The following KSR1 variants were observed in gnomAD, a reference collection of about 807,000 sequenced individuals.
The protein encoded by KSR1 is kinase suppressor of ras.
A neutral mutation model predicts 92.9 loss-of-function variants in KSR1; 35 were observed. That is an observed-to-expected ratio of 0.38 (90% CI 0.29 to 0.50). The LOEUF (loss-of-function observed/expected upper bound fraction) is 0.50. KSR1 is among the 20% of genes least tolerant of loss of function. The pLI is 0.94. For missense variants in KSR1, 972 were observed against 1,158.5 expected, an observed-to-expected ratio of 0.84 and a Z score of 2.34; for synonymous variants, 467 against 472.6, an observed-to-expected ratio of 0.99 and a Z score of 0.15.
intron 2 of KSR1, among the ~76,000 whole-genome samples, chr17:27,553,310 G>T (rs1165627721): frequency 6.6e-6 from 1 of 152,224 alleles, no homozygotes; most frequent in Non-Finnish European, 1.5e-5. Flanking sequence ...AGCTAGAGAG[G>T]CCTGCACATA....
intron 1 of KSR1, among the ~76,000 whole-genome samples, chr17:27,491,313 GTGTGTGTGTGT>G (rs2068819258): frequency 9.4e-4 from 3 of 3,196 alleles, no homozygotes; most frequent in Non-Finnish European, 3.1e-3. Context: ...TGGTGTGTGT[GTGTGTGTGTGT>G]GTGTGTGTGT....
chr17:27,593,253 G>A lies in KSR1; in HGVS notation c.1299+627G>A, dbSNP rs553378011. On this transcript the variant is annotated intron_variant, in intron 9 of 20. Transcript: ENST00000644974. ...AAAGCCTGTGTCCCCCAGGAGGGTTGGCACACCTGTCATGGGCCTCTTTGC... is the reference window on the plus strand; with the variant it reads ...AAAGCCTGTGTCCCCCAGGAGGGTTAGCACACCTGTCATGGGCCTCTTTGC... Among the ~76,000 whole-genome samples the A allele has an allele frequency of 2.0e-5, 3 of 152,372 alleles. 1 individual carries two copies. In the South Asian group the frequency reaches 6.2e-4, roughly 32 times the overall value.
chr17:27,487,494 A>G (rs895045825), intron 1 of KSR1, among the ~76,000 whole-genome samples: 1 of 151,902 alleles, frequency 6.6e-6, no homozygotes, highest in Non-Finnish European at 1.5e-5. Context: ...CACTCCTGTA[A>G]TCCCAGCACT....
chr17:27,485,997 T>G (rs746751200), intron 1 of KSR1, among the ~76,000 whole-genome samples: 5 of 152,248 alleles, frequency 3.3e-5, no homozygotes, highest in Non-Finnish European at 7.3e-5. Context: ...TCTTCGTGCT[T>G]CTTAGTGTGC....
intron 9 of KSR1, among the ~76,000 whole-genome samples, chr17:27,592,853 C>T (rs1453439717): frequency 1.3e-5 from 2 of 152,236 alleles, no homozygotes; most frequent in Non-Finnish European, 2.9e-5. Flanking sequence ...TGAGCTAACA[C>T]TTCCTGTGTG....
chr17:27,514,190 C>A (rs2069704863), intron 1 of KSR1, among the ~76,000 whole-genome samples: 1 of 152,240 alleles, frequency 6.6e-6, no homozygotes, highest in South Asian at 2.1e-4. Context: ...TAGGCAAGCT[C>A]CCAGTAAATA....
rs141387230 is a variant in KSR1 at position 27,497,979 on chromosome 17, G to C, written c.231+41105G>C. 2.3e-3 allele frequency among the ~76,000 whole-genome samples: 356 copies of C among 152,324 alleles called. 1 individual carries two copies. The highest frequency in any genetic ancestry group is 7.9e-3 in the African/African-American group (328 of 41,564). ...AGGTTTTGCTGCAAAAATGAGGAGT[G>C]TGTGTGCATGTGCATACTGTTTTTT... is the stretch of plus-strand genomic sequence containing the variant. On this transcript the variant is annotated intron_variant, in intron 1 of 20. Transcript: ENST00000644974.
At chr17:27,564,327 A>G (rs1400800607) in intron 2 of KSR1, among the ~76,000 whole-genome samples, 1 of 152,200 alleles carries the variant, frequency 6.6e-6, no homozygotes, top group Admixed American at 6.5e-5. Context: ...GGATGGATAG[A>G]TGGACAAATG....
chr17:27,463,713 CTG>C (rs1311990325), intron 1 of KSR1, among the ~76,000 whole-genome samples: 1 of 152,198 alleles, frequency 6.6e-6, no homozygotes. Context: ...TCAGGTCTCC[CTG>C]TCCAGAGACT....
intron 1 of KSR1, among the ~76,000 whole-genome samples, chr17:27,488,223 G>A (rs968427863): frequency 2.6e-5 from 4 of 152,202 alleles, no homozygotes; most frequent in Non-Finnish European, 4.4e-5. Flanking sequence ...GAACACCCAT[G>A]TACCCACAAC....
intron 1 of KSR1, among the ~76,000 whole-genome samples, chr17:27,497,053 C>T (rs958490013): frequency 1.2e-4 from 19 of 152,354 alleles, no homozygotes; most frequent in Admixed American, 1.2e-3. Flanking sequence ...GGCTTTTCCT[C>T]CTTCCCTGTT....
Position 27,459,226 on chromosome 17 carries a change from C to A in KSR1, c.231+2352C>A, listed in dbSNP as rs2019322434. Reference sequence around the variant, plus strand: ...ATAGGAACGAGACTGCTCACACCTGCAGCATTTTGTCTGTCAGTCCGTGCT... The same window carrying A: ...ATAGGAACGAGACTGCTCACACCTGAAGCATTTTGTCTGTCAGTCCGTGCT... On this transcript the variant is annotated intron_variant, in intron 1 of 20. Transcript: ENST00000644974. The surrounding 1 kb of genome is among the most constrained non-coding windows in gnomAD (Gnocchi z 4.6). 6.6e-6 allele frequency among the ~76,000 whole-genome samples: 1 copy of A among 152,186 alleles called. No individual in the cohort carries two copies. The highest frequency in any genetic ancestry group is 1.5e-5 in the Non-Finnish European group (1 of 68,024).
intron 1 of KSR1, among the ~76,000 whole-genome samples, chr17:27,532,736 TG>T (rs2070591139): frequency 6.6e-6 from 1 of 152,194 alleles, no homozygotes; most frequent in Non-Finnish European, 1.5e-5. Flanking sequence ...ACAGGCTTTC[TG>T]GAAGGTTCTG....
intron 1 of KSR1, among the ~76,000 whole-genome samples, chr17:27,490,302 C>T (rs1597869616): frequency 6.6e-6 from 1 of 152,200 alleles, no homozygotes; most frequent in Admixed American, 6.5e-5. Flanking sequence ...AAGACCACAG[C>T]AGACTATCTC....
rs2072557175 is a variant in KSR1 at position 27,577,501 on chromosome 17, C to T, written c.382C>T (p.Arg128Ter). ...CCCTCTGTCCCCTTAGGAGATCCCC[C>T]GAGACCTCACGCTGGATGCCCTGCT... ...VRPEVVQEIPRDLTLDALLEM... is the reference protein window; with the variant it reads ...VRPEVVQEIP Residue 128 changes from arginine (R) to a stop codon, truncating the protein, a stop_gained, in exon 3 of 21, where the codon CGA becomes TGA. Coordinates refer to ENST00000644974, the MANE Select transcript of KSR1 (RefSeq NM_001394583.1). LOFTEE classifies it high-confidence loss of function. This position sits in a 1 kb window ranked among gnomAD's most constrained non-coding sequence, Gnocchi z 4.5. The T allele has an allele frequency of 1.3e-6, 2 of 1,556,586 alleles. No homozygotes were observed. The highest frequency in any genetic ancestry group is 1.7e-6 in the Non-Finnish European group (2 of 1,146,426).
intron 1 of KSR1, among the ~76,000 whole-genome samples, chr17:27,491,821 C>T (rs534348988): frequency 6.6e-6 from 1 of 152,210 alleles, no homozygotes; most frequent in East Asian, 1.9e-4. Context: ...TCAGGGGCTC[C>T]GACTGAAGTT....
chr17:27,599,477 A>G (rs1327083858), intron 10 of KSR1, among the ~76,000 whole-genome samples: 4 of 152,180 alleles, frequency 2.6e-5, no homozygotes, highest in Non-Finnish European at 5.9e-5. Context: ...GAATCGCTTG[A>G]ACCCAGGATG....
In KSR1 at chr17:27,609,430, C is replaced by G. The variant is rs373357000; in HGVS notation, c.2225+101C>G. The G allele has an allele frequency of 1.8e-5, 26 of 1,467,234 alleles. No individual in the cohort carries two copies. The African/African-American group carries it at 2.8e-4, about 16-fold the overall frequency. The allele number at this position is 1,467,234 out of a possible 1,614,324, so 90.9% of individuals were successfully genotyped here. A position where few individuals can be genotyped will look rare whatever the true frequency, so the allele number is the denominator to read the frequency against. Reference sequence around the variant, plus strand: ...CACTGTTTGTTGCTGAGCTGCAGCCCTCCCTGCAGGGAAGCCCAGGTCGCT... The same window carrying G: ...CACTGTTTGTTGCTGAGCTGCAGCCGTCCCTGCAGGGAAGCCCAGGTCGCT... On this transcript the variant is annotated intron_variant, in intron 16 of 20. Coordinates refer to ENST00000644974, the MANE Select transcript of KSR1 (RefSeq NM_001394583.1).
chr17:27,566,426 G>T, intron 2 of KSR1: 1 of 399,344 alleles, frequency 2.5e-6, no homozygotes, highest in Non-Finnish European at 4.4e-6. Context: ...GGCCAGGGCT[G>T]CCGGGGACCC....
Sources: gnomAD v4.1 joint callset for allele counts (sites outside exome capture counted in the v4.1 genomes callset) on GRCh38, gnomAD v4.1.1 for gene constraint, Gnocchi (gnomAD v3.1) non-coding constraint, MANE v1.5 for transcripts, NCBI Gene and HGNC (gene_info 2026-07-23, HGNC 2026-07-21) for gene names.